Variants in MIOS observed in about 807,000 individuals in gnomAD.
MIOS encodes the protein meiosis regulator for oocyte development.
In MIOS, 52 loss-of-function variants were observed where a neutral mutation model predicts 96.9. The observed-to-expected ratio is 0.54, with a 90% CI of 0.43 to 0.68. The LOEUF is 0.68. Among genes scored for constraint, MIOS ranks in the 30% least tolerant of loss-of-function variants. The probability of loss-of-function intolerance (pLI) is 0.00; values close to 1 mark genes in which losing one functional copy is unlikely to be tolerated. For synonymous variants in MIOS, 397 were observed against 359.5 expected (o/e 1.10, Z -1.18); for missense variants, 1,005 against 1,052.8 (o/e 0.95, Z 0.63).
At position 7,597,510 on chromosome 7, in the gene MIOS, ATATATAT is replaced by A. The variant is rs1563041108; in HGVS notation, c.2401+1050_2401+1056del. On this transcript the variant is annotated intron_variant, in intron 11 of 12. Coordinates refer to ENST00000340080, the MANE Select transcript of MIOS (RefSeq NM_019005.4). Reference sequence around the variant, plus strand: ...TATATATATATATATATATATATATATATATATGAAGGCAATACGTAATGTTTTAAAT... The same window carrying A: ...TATATATATATATATATATATATATAGAAGGCAATACGTAATGTTTTAAAT... Among the ~76,000 whole-genome samples the A allele has an allele frequency of 1.9e-3, 109 of 57,644 alleles. 17 individuals are homozygous for A. The highest frequency in any genetic ancestry group is 7.7e-3 in the African/African-American group (101 of 13,106). 37.8% of individuals were successfully genotyped at this position (57,644 alleles called of 152,430 possible). A position where few individuals can be genotyped will look rare whatever the true frequency, so the allele number is the denominator to read the frequency against.
intron 5 of MIOS, among the ~76,000 whole-genome samples, chr7:7,577,376 G>A (rs188390290): frequency 1.3e-5 from 2 of 152,306 alleles, no homozygotes; most frequent in South Asian, 2.1e-4. Flanking sequence ...GAAATTCAGA[G>A]TGGGTTGAGG....
chr7:7,575,774 C>A (rs375589048), intron 5 of MIOS, among the ~76,000 whole-genome samples: 5 of 152,028 alleles, frequency 3.3e-5, no homozygotes, highest in South Asian at 2.1e-4. Flanking sequence ...TAGAGACAAA[C>A]TGAGTATCCC....
rs191322348 is a variant in MIOS at position 7,586,723 on chromosome 7, A to G, written c.1818+918A>G. The stretch of plus-strand genomic sequence containing the variant: ...ACTTTATTACTTTTAATAAATTACT[A>G]TTGAACTTTTTCTGACCAATTCAAA... On this transcript the variant is annotated intron_variant, in intron 7 of 12. Coordinates refer to ENST00000340080, the MANE Select transcript of MIOS (RefSeq NM_019005.4). 1.4e-4 allele frequency among the ~76,000 whole-genome samples: 21 copies of G among 152,324 alleles called. 1 individual carries two copies. The highest frequency in any genetic ancestry group is 2.6e-4 in the Non-Finnish European group (18 of 68,030).
intron 9 of MIOS, among the ~76,000 whole-genome samples, chr7:7,594,232 C>A (rs1458460041): frequency 6.6e-6 from 1 of 151,844 alleles, no homozygotes; most frequent in African/African-American, 2.4e-5. Context: ...CATCTCAGTT[C>A]ACCGTGCATT....
At position 7,568,684 on chromosome 7, in the gene MIOS, C is replaced by T. The variant is rs10085615; in HGVS notation, c.-41+561C>T. Among the ~76,000 whole-genome samples the T allele has an allele frequency of 9.4e-3, 1,430 of 152,308 alleles. 25 individuals are homozygous for T. The highest frequency in any genetic ancestry group is 0.032 in the African/African-American group (1,327 of 41,548). ...GGCCCTGCATTGTTATTTTGCACCA[C>T]GTCCTGCATATCGTGTAGCTGATCC... On this transcript the variant is annotated intron_variant, in intron 3 of 12. Transcript: ENST00000340080.
intron 3 of MIOS, among the ~76,000 whole-genome samples, chr7:7,569,004 G>C (rs939976056): frequency 6.6e-6 from 1 of 152,154 alleles, no homozygotes; most frequent in Non-Finnish European, 1.5e-5. Context: ...TTTCTTTGTG[G>C]CATCAAGATT....
chr7:7,585,845 G>C, intron 7 of MIOS, 40 bp downstream of exon 7: 1 of 1,512,966 alleles, frequency 6.6e-7, no homozygotes. Flanking sequence ...TTTGAATTAA[G>C]ATAGGAGTTT....
rs949638323 is a variant in MIOS at position 7,607,990 on chromosome 7, C to T, written c.*898C>T. ...TATGTAACTAGCCATTTAGTATAAT[C>T]TATGTCAGTGTTTCTGTGCTGTCAA... On this transcript the variant is annotated 3_prime_UTR_variant, in exon 13 of 13. Coordinates refer to ENST00000340080, the MANE Select transcript of MIOS (RefSeq NM_019005.4). 2.0e-5 allele frequency: 3 copies of T among 152,080 alleles called. No homozygotes were observed. The highest frequency in any genetic ancestry group is 4.8e-5 in the African/African-American group (2 of 41,418). The allele number at this position is 152,080 out of a possible 1,614,324, so 9.4% of individuals were successfully genotyped here. A position where few individuals can be genotyped will look rare whatever the true frequency, so the allele number is the denominator to read the frequency against.
intron 3 of MIOS, among the ~76,000 whole-genome samples, chr7:7,569,471 G>A (rs1015306943): frequency 6.6e-6 from 1 of 152,208 alleles, no homozygotes; most frequent in Non-Finnish European, 1.5e-5. Flanking sequence ...CCTCTCCTAG[G>A]GAGCGTAGAA....
intron 9 of MIOS, among the ~76,000 whole-genome samples, chr7:7,590,389 TTTAAA>T (rs1784014139): frequency 6.6e-6 from 1 of 152,208 alleles, no homozygotes; most frequent in Admixed American, 6.5e-5. Flanking sequence ...AATTATGTCT[TTTAAA>T]TTAAAGTGTA....
At chr7:7,599,326 G>A (rs1002919744) in intron 11 of MIOS, among the ~76,000 whole-genome samples, 1 of 152,106 alleles carries the variant, frequency 6.6e-6, no homozygotes, top group Non-Finnish European at 1.5e-5. Flanking sequence ...TTCCCTCAAG[G>A]TGTACATATT....
intron 5 of MIOS, among the ~76,000 whole-genome samples, chr7:7,580,551 A>G (rs1305288075): frequency 2.0e-5 from 3 of 152,172 alleles, no homozygotes; most frequent in Admixed American, 6.5e-5. Flanking sequence ...TCATAAAGCA[A>G]TCGGATATAA....
intron 11 of MIOS, among the ~76,000 whole-genome samples, chr7:7,600,519 A>C (rs557664710): frequency 6.6e-6 from 1 of 152,228 alleles, no homozygotes; most frequent in Non-Finnish European, 1.5e-5. Flanking sequence ...AGAACTAACT[A>C]TCCTAAATAT....
At position 7,589,175 on chromosome 7, in the gene MIOS, GATTA is replaced by G. The variant is rs933091864; in HGVS notation, c.1885-225_1885-222del. On this transcript the variant is annotated intron_variant, in intron 8 of 12. Coordinates refer to ENST00000340080, the MANE Select transcript of MIOS (RefSeq NM_019005.4). ...ATAAACCATCTATAGTTCTTTTATG[GATTA>G]ATTATCAACATAATAAATGCCTTTT... Among the ~76,000 whole-genome samples the G allele has an allele frequency of 7.9e-5, 12 of 152,084 alleles. No individual in the cohort carries two copies. In the East Asian group the frequency reaches 1.4e-3, roughly 17 times the overall value.
chr7:7,601,365 C>T (rs1415937721), intron 11 of MIOS, among the ~76,000 whole-genome samples: 11 of 150,412 alleles, frequency 7.3e-5, no homozygotes, highest in African/African-American at 1.5e-4. Context: ...ATCAAATAGA[C>T]GCAATAAAAA....
intron 8 of MIOS, 69 bp from the exon 9 acceptor site, chr7:7,589,336 A>G: frequency 7.3e-7 from 1 of 1,362,200 alleles, no homozygotes; most frequent in Non-Finnish European, 1.0e-6. Flanking sequence ...ATTGTTCAAA[A>G]TGTAGTTTTG....
chr7:7,596,190 C>T, intron 10 of MIOS, 67 bp from the exon 11 acceptor site: 4 of 1,356,956 alleles, frequency 2.9e-6, no homozygotes, highest in Non-Finnish European at 4.1e-6. Flanking sequence ...GTTAGGCGCA[C>T]ACTAAGTTAT....
At position 7,607,031 on chromosome 7, in the gene MIOS, G is replaced by C. The variant is rs763205724; in HGVS notation, c.2567G>C (p.Cys856Ser). The change falls in exon 13 of 13, where the codon TGT becomes TCT. Residue 856 changes from cysteine to serine, a missense_variant. Coordinates refer to ENST00000340080, the MANE Select transcript of MIOS (RefSeq NM_019005.4). The stretch of plus-strand genomic sequence containing the variant: ...GAGTGCCCTGTGTCGGCATGCACGT[G>C]TAAATGTATGCAGTTGGATACAACA... ...HAECPVSACT[C>S]KCMQLDTTGN... The C allele has an allele frequency of 1.2e-6, 2 of 1,613,160 alleles. No individual in the cohort carries two copies. The highest frequency in any genetic ancestry group is 1.7e-6 in the Non-Finnish European group (2 of 1,179,468).
rs758730556 is a variant in MIOS at position 7,573,072 on chromosome 7, TCTC to T, written c.600_602del (p.Leu201del). 2 of 1,614,056 alleles carry T rather than the reference TCTC, an allele frequency of 1.2e-6. No homozygotes were observed. Among genetic ancestry groups the T allele is most frequent in the Non-Finnish European group, 1.7e-6 (2 of 1,179,956 alleles). ...GTTGGCTTCCACGAGACCAGAAACT[TCTC>T]CTTGCTGGTATGCATCGTAACCTAG... On this transcript the variant is annotated inframe_deletion, in exon 4 of 13. Coordinates refer to ENST00000340080, the MANE Select transcript of MIOS (RefSeq NM_019005.4). This position sits in a 1 kb window ranked among gnomAD's most constrained non-coding sequence, Gnocchi z 5.0.
Sources: gnomAD v4.1 joint callset for allele counts (sites outside exome capture counted in the v4.1 genomes callset) on GRCh38, gnomAD v4.1.1 for gene constraint, Gnocchi (gnomAD v3.1) non-coding constraint, MANE v1.5 for transcripts, NCBI Gene and HGNC (gene_info 2026-07-23, HGNC 2026-07-21) for gene names.